The following PKIB variants were observed in gnomAD, a reference collection of about 807,000 sequenced individuals.
PKIB encodes the protein cAMP-dependent protein kinase inhibitor beta, also known as PKI-beta.
Under a neutral mutation model 4.5 loss-of-function variants are expected in PKIB, and 2 were observed. The observed-to-expected ratio is 0.44, with a 90% confidence interval of 0.18 to 1.39. The LOEUF (loss-of-function observed/expected upper bound fraction) is 1.39. Ranked by LOEUF, PKIB falls within the 40% of genes most tolerant of loss-of-function variation. The probability of loss-of-function intolerance (pLI) is 0.27; values close to 1 mark genes in which losing one functional copy is unlikely to be tolerated. For missense variants in PKIB, 94 were observed against 92.6 expected (o/e 1.02, Z -0.06); for synonymous variants, 38 against 36.0 (o/e 1.06, Z -0.20).
chr6:122,704,962 A>C (rs1778996638), intron 3 of PKIB, among the ~76,000 whole-genome samples: 1 of 152,178 alleles, frequency 6.6e-6, no homozygotes, highest in Admixed American at 6.5e-5. Context: ...GGAGGCAGAC[A>C]GGACATTGCT....
intron 1 of PKIB, among the ~76,000 whole-genome samples, chr6:122,631,684 A>G (rs541431235): frequency 1.3e-3 from 194 of 152,204 alleles, no homozygotes; most frequent in Non-Finnish European, 2.1e-3. Context: ...ATTCACCTCC[A>G]GGAAAGGACA....
intron 2 of PKIB, among the ~76,000 whole-genome samples, chr6:122,494,045 A>T (rs1776010630): frequency 6.6e-6 from 1 of 152,172 alleles, no homozygotes; most frequent in Non-Finnish European, 1.5e-5. Context: ...TCAAATAAAA[A>T]TTTTGAAAAA....
intron 3 of PKIB, among the ~76,000 whole-genome samples, chr6:122,685,019 T>G (rs1048591211): frequency 1.5e-4 from 23 of 152,274 alleles, no homozygotes; most frequent in African/African-American, 5.3e-4. Flanking sequence ...GAAAACACAT[T>G]TATTAATTTT....
chr6:122,540,712 C>T (rs1777569355), intron 2 of PKIB, among the ~76,000 whole-genome samples: 1 of 151,994 alleles, frequency 6.6e-6, no homozygotes, highest in Non-Finnish European at 1.5e-5. Context: ...TGGTGCAGAG[C>T]TGAGTTCAAT....
chr6:122,622,940 G>T (rs1181459198), intron 1 of PKIB, among the ~76,000 whole-genome samples: 1 of 152,146 alleles, frequency 6.6e-6, no homozygotes, highest in East Asian at 1.9e-4. Context: ...TTTGATTTCA[G>T]TTTCTTTCTT....
chr6:122,696,656 G>T (rs1582821097), intron 3 of PKIB, among the ~76,000 whole-genome samples: 1 of 152,152 alleles, frequency 6.6e-6, no homozygotes, highest in Non-Finnish European at 1.5e-5. Flanking sequence ...CTCATGGAGG[G>T]CATAGAATGA....
At chr6:122,579,686 ACT>A (rs1436347690) in intron 2 of PKIB, among the ~76,000 whole-genome samples, 1 of 152,180 alleles carries the variant, frequency 6.6e-6, no homozygotes, top group East Asian at 1.9e-4. Flanking sequence ...AATGAAAATT[ACT>A]CTCTAGTATT....
At chr6:122,550,581 A>G (rs537896872) in intron 2 of PKIB, among the ~76,000 whole-genome samples, 1 of 152,218 alleles carries the variant, frequency 6.6e-6, no homozygotes, top group African/African-American at 2.4e-5. Context: ...ATTTTCACCA[A>G]TATCATTCTT....
intron 4 of PKIB, among the ~76,000 whole-genome samples, chr6:122,719,769 A>G (rs1244004910): frequency 7.1e-6 from 1 of 140,828 alleles, no homozygotes; most frequent in African/African-American, 2.7e-5. Context: ...ACACACACAC[A>G]AAGTATGTGA....
rs548358109 is a variant in PKIB at position 122,615,231 on chromosome 6, G to A, written c.-161+4696G>A. 1.1e-4 allele frequency among the ~76,000 whole-genome samples: 16 copies of A among 152,248 alleles called. No homozygotes were observed. The South Asian group carries it at 2.9e-3, about 28-fold the overall frequency. ...ATTTTTAAATATGTCTTTCTAACAT[G>A]CCATGAAGCTGTGCATATGTATATA... On this transcript the variant is annotated intron_variant, in intron 1 of 4. Transcript: ENST00000368452.
chr6:122,520,081 A>G (rs966991287), intron 2 of PKIB, among the ~76,000 whole-genome samples: 1 of 152,186 alleles, frequency 6.6e-6, no homozygotes, highest in Non-Finnish European at 1.5e-5. Context: ...TCAGGCATCA[A>G]TTCCCAGAAG....
chr6:122,590,999 T>C (rs1774001171), intron 3 of PKIB, among the ~76,000 whole-genome samples: 1 of 151,944 alleles, frequency 6.6e-6, no homozygotes, highest in African/African-American at 2.4e-5. Context: ...ATGGAGTATC[T>C]TTCACGAGTT....
intron 3 of PKIB, among the ~76,000 whole-genome samples, chr6:122,697,184 G>A (rs561590298): frequency 3.1e-4 from 47 of 152,034 alleles, no homozygotes; most frequent in African/African-American, 1.0e-3. Context: ...GATTTGGCAG[G>A]CAAACAGAGA....
intron 2 of PKIB, among the ~76,000 whole-genome samples, chr6:122,525,913 C>G (rs1777080206): frequency 6.6e-6 from 1 of 152,082 alleles, no homozygotes; most frequent in African/African-American, 2.4e-5. Context: ...GCATTTTACC[C>G]TATAGTAGAA....
chr6:122,520,665 AC>A lies in PKIB; in HGVS notation c.-248+42736del, dbSNP rs10650320. ...GTGTGGGCTGAAAGTTTATGTTCCC[AC>A]CCCCCCCCCACCAAATTTATATTAG... On this transcript the variant is annotated intron_variant, in intron 2 of 6. Transcript: ENST00000392491. Among the ~76,000 whole-genome samples the A allele has an allele frequency of 4.4e-4, 48 of 108,000 alleles. 1 individual carries two copies. Among genetic ancestry groups the A allele is most frequent in the Middle Eastern group, 4.7e-3 (1 of 214 alleles). 70.9% of individuals were successfully genotyped at this position (108,000 alleles called of 152,430 possible). A position where few individuals can be genotyped will look rare whatever the true frequency, so the allele number is the denominator to read the frequency against.
intron 3 of PKIB, among the ~76,000 whole-genome samples, chr6:122,717,265 T>A (rs1166719562): frequency 6.6e-6 from 1 of 152,062 alleles, no homozygotes; most frequent in Non-Finnish European, 1.5e-5. Context: ...CCAGAACAGA[T>A]CAAAATATTT....
chr6:122,714,491 A>G (rs189654250), intron 3 of PKIB, among the ~76,000 whole-genome samples: 155 of 152,356 alleles, frequency 1.0e-3, no homozygotes, highest in African/African-American at 3.5e-3. Context: ...GACTAATTAG[A>G]AAGCCTCTAT....
At chr6:122,531,022 A>G (rs1337131153) in intron 2 of PKIB, 2 of 152,182 alleles carry the variant, frequency 1.3e-5, no homozygotes, top group African/African-American at 2.4e-5. Flanking sequence ...CTCAGTGTCT[A>G]TGAGGGAAGG....
intron 2 of PKIB, among the ~76,000 whole-genome samples, chr6:122,509,590 C>G (rs981278217): frequency 1.3e-5 from 2 of 151,940 alleles, no homozygotes; most frequent in African/African-American, 2.4e-5. Flanking sequence ...ACCACCACAC[C>G]CAGCTAATTT....
Sources: allele counts gnomAD v4.1 joint callset (sites outside exome capture counted in the v4.1 genomes callset), GRCh38; gene constraint gnomAD v4.1.1; transcripts MANE v1.5; gene names NCBI Gene and HGNC (gene_info 2026-07-23, HGNC 2026-07-21).